The following GTF3C1 variants were observed in gnomAD, a reference collection of about 807,000 sequenced individuals.
The protein encoded by GTF3C1 is general transcription factor IIIC subunit 1.
Under a neutral mutation model 226.7 loss-of-function variants are expected in GTF3C1, and 57 were observed. The observed-to-expected ratio is 0.25, with a 90% CI of 0.20 to 0.31. The LOEUF (loss-of-function observed/expected upper bound fraction) is 0.31. Ranked by LOEUF, GTF3C1 falls within the 10% of genes least tolerant of loss-of-function variation. The pLI, the probability that GTF3C1 is intolerant of heterozygous loss-of-function variation, is 1.00. For missense variants in GTF3C1, 2,217 were observed against 2,776.1 expected (o/e 0.80, Z 4.53); for synonymous variants, 1,090 against 1,084.8 (o/e 1.00, Z -0.09).
intron 1 of GTF3C1, among the ~76,000 whole-genome samples, chr16:27,548,241 T>C (rs1167442333): frequency 2.0e-5 from 3 of 152,158 alleles, no homozygotes. Flanking sequence ...GCTGCCTAAA[T>C]CCAACCTTTA....
rs181897833 is a variant in GTF3C1 at position 27,485,947 on chromosome 16, G to T, written c.3858+50C>A. The T allele has an allele frequency of 8.0e-5, 108 of 1,351,450 alleles. No individual in the cohort carries two copies. In the Admixed American group the frequency reaches 9.4e-4, roughly 12 times the overall value. The allele number at this position is 1,351,450 out of a possible 1,614,324, so 83.7% of individuals were successfully genotyped here. A position where few individuals can be genotyped will look rare whatever the true frequency, so the allele number is the denominator to read the frequency against. On this transcript the variant is annotated intron_variant, in intron 24 of 36. Coordinates refer to ENST00000356183, the MANE Select transcript of GTF3C1 (RefSeq NM_001520.4). ...AGTCCCCGGAAGGCTCAGACAGGAAGGAGCTCCGAGTGAGGGGCAGGCCCA... is the reference window on the plus strand; with the variant it reads ...AGTCCCCGGAAGGCTCAGACAGGAATGAGCTCCGAGTGAGGGGCAGGCCCA...
intron 11 of GTF3C1, among the ~76,000 whole-genome samples, chr16:27,502,104 A>AG (rs1202005313): frequency 2.0e-5 from 3 of 150,002 alleles, no homozygotes; most frequent in Non-Finnish European, 4.4e-5. Flanking sequence ...AAAAAAAAAA[A>AG]AAGAAAAGAA....
At chr16:27,482,508 C>T (rs1428492215) in intron 26 of GTF3C1, 5 of 455,994 alleles carry the variant, frequency 1.1e-5, no homozygotes, top group Admixed American at 7.0e-5. Context: ...CTGTCCCACT[C>T]GCCTGTGGCC....
Position 27,495,263 on chromosome 16 carries a change from G to A in GTF3C1, c.2580C>T (p.Gly860=). The A allele has an allele frequency of 1.9e-6, 3 of 1,613,208 alleles. No homozygotes were observed. The highest frequency in any genetic ancestry group is 1.7e-6 in the Non-Finnish European group (2 of 1,179,394). The change falls in exon 15 of 37, where the codon GGC becomes GGT. Residue 860 remains glycine, a synonymous_variant. Coordinates refer to ENST00000356183, the MANE Select transcript of GTF3C1 (RefSeq NM_001520.4). ...CCTCCCAGGTGACACCATCTTGGCTGCCTTTAGATGGGGCTTCAGAGCAGG... is the reference window on the plus strand; with the variant it reads ...CCTCCCAGGTGACACCATCTTGGCTACCTTTAGATGGGGCTTCAGAGCAGG... ...WEACSEAPSK[G]SQDGVTWEAE...
chr16:27,533,820 A>C (rs1046718870), intron 4 of GTF3C1, among the ~76,000 whole-genome samples: 1 of 152,228 alleles, frequency 6.6e-6, no homozygotes, highest in Non-Finnish European at 1.5e-5. Flanking sequence ...AGCCTGGCCA[A>C]CATGGTGAAA....
chr16:27,490,161 G>T (rs1041389714), intron 19 of GTF3C1, among the ~76,000 whole-genome samples: 4 of 152,122 alleles, frequency 2.6e-5, no homozygotes, highest in Non-Finnish European at 5.9e-5. Flanking sequence ...ATACGGAGGG[G>T]CCTGTACAGA....
intron 14 of GTF3C1, among the ~76,000 whole-genome samples, chr16:27,497,419 T>C (rs911292786): frequency 6.6e-6 from 1 of 152,222 alleles, no homozygotes; most frequent in Non-Finnish European, 1.5e-5. Context: ...CAAAGCCTTG[T>C]AGGGTATGGC....
intron 6 of GTF3C1, among the ~76,000 whole-genome samples, chr16:27,512,697 C>T (rs755819388): frequency 7.9e-5 from 12 of 152,174 alleles, no homozygotes; most frequent in Non-Finnish European, 5.9e-5. Flanking sequence ...CTTGTGCCTA[C>T]GGCTATAACG....
At chr16:27,486,593 T>C (rs1246633989) in intron 23 of GTF3C1, among the ~76,000 whole-genome samples, 2 of 152,118 alleles carry the variant, frequency 1.3e-5, no homozygotes, top group Admixed American at 6.5e-5. Flanking sequence ...GGGCGTTGTG[T>C]AGACTTGAGT....
At chr16:27,532,052 CACA>C (rs1426072975) in intron 5 of GTF3C1, among the ~76,000 whole-genome samples, 2 of 152,196 alleles carry the variant, frequency 1.3e-5, no homozygotes, top group South Asian at 2.1e-4. Context: ...CCAGCTAGTG[CACA>C]ACTAGTTCCA....
At chr16:27,502,365 A>T (rs2088419673) in intron 11 of GTF3C1, among the ~76,000 whole-genome samples, 1 of 152,190 alleles carries the variant, frequency 6.6e-6, no homozygotes, top group Non-Finnish European at 1.5e-5. Context: ...ATGGGAGCTT[A>T]CAAGAACCAC....
Position 27,472,379 on chromosome 16 carries a change from C to T in GTF3C1, c.4354-459G>A, listed in dbSNP as rs189970232. Reference sequence around the variant, plus strand: ...TCTAGTCTATGCCACTGTTCTTTCTCACCATGGTCCCCAGCTGACTGGTCT... The same window carrying T: ...TCTAGTCTATGCCACTGTTCTTTCTTACCATGGTCCCCAGCTGACTGGTCT... On this transcript the variant is annotated intron_variant, in intron 29 of 36. Transcript: ENST00000356183. Among the ~76,000 whole-genome samples the T allele has an allele frequency of 4.8e-3, 731 of 152,338 alleles. 2 individuals are homozygous for T. Among genetic ancestry groups the T allele is most frequent in the Middle Eastern group, 0.027 (8 of 294 alleles).
intron 5 of GTF3C1, among the ~76,000 whole-genome samples, chr16:27,531,607 T>A (rs2088918239): frequency 6.6e-6 from 1 of 152,226 alleles, no homozygotes; most frequent in Admixed American, 6.5e-5. Flanking sequence ...CAGTTCTAAC[T>A]CAACATACAC....
chr16:27,463,903 G>C lies in GTF3C1; in HGVS notation c.5873-311C>G. ...ACCACAAGGGTGGTATAAAACCCGA[G>C]GCAAAAACACCCCAAAGAAAACAAA... is the stretch of plus-strand genomic sequence containing the variant. On this transcript the variant is annotated intron_variant, in intron 34 of 36. Coordinates refer to ENST00000356183, the MANE Select transcript of GTF3C1 (RefSeq NM_001520.4). The surrounding 1 kb of genome is among the most constrained non-coding windows in gnomAD (Gnocchi z 4.9). The C allele has an allele frequency of 2.3e-6, 1 of 432,510 alleles. No homozygotes were observed. Among genetic ancestry groups the C allele is most frequent in the Non-Finnish European group, 4.1e-6 (1 of 246,556 alleles). 26.8% of individuals were successfully genotyped at this position (432,510 alleles called of 1,614,324 possible).
intron 6 of GTF3C1, among the ~76,000 whole-genome samples, chr16:27,525,244 G>A (rs1333809018): frequency 1.3e-5 from 2 of 150,346 alleles, no homozygotes; most frequent in African/African-American, 5.0e-5. Context: ...TAAGTCCCCA[G>A]GACACCTCTC....
intron 11 of GTF3C1, among the ~76,000 whole-genome samples, chr16:27,501,639 G>A (rs2088405916): frequency 6.6e-6 from 1 of 152,234 alleles, no homozygotes; most frequent in Admixed American, 6.5e-5. Context: ...TGGGCACCAT[G>A]ATAGAAACCT....
intron 6 of GTF3C1, among the ~76,000 whole-genome samples, chr16:27,515,469 A>AAAC (rs2088643218): frequency 6.6e-6 from 1 of 151,136 alleles, no homozygotes; most frequent in Admixed American, 6.6e-5. Context: ...ACACAACAAA[A>AAAC]AAAAAAAACA....
At chr16:27,465,868 C>T (rs1386137206) in intron 32 of GTF3C1, 17 of 330,938 alleles carry the variant, frequency 5.1e-5, no homozygotes, top group East Asian at 2.6e-4. Context: ...AGTGCTCTGA[C>T]GGGGAGTCCC....
chr16:27,537,387 A>G (rs1193254334), intron 4 of GTF3C1, among the ~76,000 whole-genome samples: 1 of 152,176 alleles, frequency 6.6e-6, no homozygotes, highest in Non-Finnish European at 1.5e-5. Context: ...TAAAAAAGCT[A>G]TAGTCATATT....
Sources: gnomAD v4.1 joint callset for allele counts (sites outside exome capture counted in the v4.1 genomes callset) on GRCh38, gnomAD v4.1.1 for gene constraint, Gnocchi (gnomAD v3.1) non-coding constraint, MANE v1.5 for transcripts, NCBI Gene and HGNC (gene_info 2026-07-23, HGNC 2026-07-21) for gene names.